AP1G1: variants seen among roughly 807,000 people sequenced by gnomAD.
AP1G1 encodes the protein adaptor related protein complex 1 subunit gamma 1, also known as AP-1 complex subunit gamma-1.
AP1G1 carries 7 observed loss-of-function variants against 108.3 expected under a neutral mutation model. The ratio of observed to expected loss-of-function variants is 0.06; its 90% CI spans 0.04 to 0.12. The LOEUF is 0.12. Ranked by LOEUF, AP1G1 falls within the 10% of genes least tolerant of loss-of-function variation. The pLI is 1.00. For synonymous variants in AP1G1, 379 were observed against 353.5 expected (o/e 1.07, Z -0.81); for missense variants, 756 against 1,010.7 (o/e 0.75, Z 3.42).
chr16:71,772,221 C>G (rs948854569), intron 4 of AP1G1, among the ~76,000 whole-genome samples: 11 of 151,900 alleles, frequency 7.2e-5, no homozygotes, highest in Non-Finnish European at 1.3e-4. Context: ...AGCTCCGCCT[C>G]CTGGGTTCAC....
Position 71,739,259 on chromosome 16 carries a change from C to G in AP1G1, c.2082G>C (p.Gln694His), listed in dbSNP as rs200015789. The G allele has an allele frequency of 6.2e-7, 1 of 1,613,602 alleles. No homozygotes were observed. The highest frequency in any genetic ancestry group is 2.2e-5 in the East Asian group (1 of 44,864). The change falls in exon 20 of 23, where the codon CAG becomes CAC. Residue 694 changes from glutamine to histidine, a missense_variant. Around this residue, in one of 3 missense-constraint regions of AP1G1, gnomAD observed 95 missense variants for 160.5 expected, o/e 0.59. Transcript: ENST00000299980. Reference protein sequence around the residue: ...PPFLLDGLSSQPLFNDIAAGI... With the variant: ...PPFLLDGLSSHPLFNDIAAGI... The stretch of plus-strand genomic sequence containing the variant: ...CTGCAGCAATATCATTGAAGAGAGG[C>G]TGTGATGAAAGCCCATCCAACAAGA...
chr16:71,737,665 G>GA (rs1185764344), intron 21 of AP1G1, among the ~76,000 whole-genome samples: 2 of 151,984 alleles, frequency 1.3e-5, no homozygotes, highest in African/African-American at 4.8e-5. Flanking sequence ...AGAGGATGGG[G>GA]AAAAAATAAA....
chr16:71,794,150 T>C (rs1211283625), intron 1 of AP1G1, among the ~76,000 whole-genome samples: 2 of 152,204 alleles, frequency 1.3e-5, no homozygotes, highest in African/African-American at 4.8e-5. Flanking sequence ...CTTCTAAAAA[T>C]CTTACAGTTC....
intron 1 of AP1G1, among the ~76,000 whole-genome samples, chr16:71,792,778 C>G (rs985285767): frequency 6.6e-6 from 1 of 151,446 alleles, no homozygotes; most frequent in African/African-American, 2.4e-5. Flanking sequence ...CGCTTTAACC[C>G]GGGAAGTGGA....
chr16:71,757,719 A>C (rs914855988), intron 11 of AP1G1, among the ~76,000 whole-genome samples: 1 of 152,210 alleles, frequency 6.6e-6, no homozygotes, highest in African/African-American at 2.4e-5. Context: ...CTGGCTCCAG[A>C]GTCTAAGCTC....
intron 1 of AP1G1, among the ~76,000 whole-genome samples, chr16:71,804,038 A>C (rs771535786): frequency 6.6e-6 from 1 of 151,714 alleles, no homozygotes. Context: ...TTTGATAAAC[A>C]TATTTTATTT....
chr16:71,767,852 C>A, intron 6 of AP1G1: 1 of 1,598,368 alleles, frequency 6.3e-7, no homozygotes, highest in Non-Finnish European at 8.5e-7. Flanking sequence ...CAGCATGCAC[C>A]ATCTAAAAGA....
At chr16:71,751,569 A>G (rs1320682745) in intron 13 of AP1G1, among the ~76,000 whole-genome samples, 3 of 152,122 alleles carry the variant, frequency 2.0e-5, no homozygotes, top group Admixed American at 6.5e-5. Flanking sequence ...AATGATCAGA[A>G]GGAAAGGTGA....
intron 1 of AP1G1, among the ~76,000 whole-genome samples, chr16:71,800,630 T>A (rs1166633481): frequency 6.7e-6 from 1 of 148,852 alleles, no homozygotes; most frequent in Non-Finnish European, 1.5e-5. Context: ...TGAAACCCCA[T>A]CTCTACTAAA....
In AP1G1 at chr16:71,746,457, GCAATTAGAAC is replaced by G. The variant is rs530517005; in HGVS notation, c.1730+121_1730+130del. 46 of 494,982 alleles carry G rather than the reference GCAATTAGAAC, an allele frequency of 9.3e-5. No homozygotes were observed. In the South Asian group the frequency reaches 2.1e-3, roughly 22 times the overall value. The allele number at this position is 494,982 out of a possible 1,614,324, so 30.7% of individuals were successfully genotyped here. A position where few individuals can be genotyped will look rare whatever the true frequency, so the allele number is the denominator to read the frequency against. On this transcript the variant is annotated intron_variant, in intron 17 of 22. Transcript: ENST00000299980. ...AGATGGACAAAACAGAAGCAGACAA[GCAATTAGAAC>G]TAAATAGGGATACGAGGAACAATTA...
chr16:71,753,417 TCA>T (rs1035819525), intron 13 of AP1G1, among the ~76,000 whole-genome samples: 2 of 152,202 alleles, frequency 1.3e-5, no homozygotes, highest in African/African-American at 2.4e-5. Context: ...TCTGCCTCTC[TCA>T]CTTTATGGCT....
intron 19 of AP1G1, among the ~76,000 whole-genome samples, chr16:71,741,219 G>A (rs1271297084): frequency 6.6e-6 from 1 of 152,142 alleles, no homozygotes; most frequent in African/African-American, 2.4e-5. Context: ...AGGAAGGCTA[G>A]AATATCATCT....
intron 19 of AP1G1, 140 bp from the exon 20 acceptor site, chr16:71,739,481 A>G (rs887231609): frequency 1.6e-6 from 1 of 627,248 alleles, no homozygotes; most frequent in Non-Finnish European, 2.7e-6. Context: ...CCACAAAGAG[A>G]AAGAACTAAA....
chr16:71,745,890 T>C (rs2030147948), intron 17 of AP1G1, among the ~76,000 whole-genome samples: 1 of 151,974 alleles, frequency 6.6e-6, no homozygotes, highest in Non-Finnish European at 1.5e-5. Context: ...GAAAGGTAAA[T>C]CCATAGGTAT....
intron 2 of AP1G1, among the ~76,000 whole-genome samples, chr16:71,783,443 G>A (rs1275482741): frequency 6.6e-6 from 1 of 151,964 alleles, no homozygotes; most frequent in African/African-American, 2.4e-5. Flanking sequence ...AATTTTAAAG[G>A]ATACTATTTG....
intron 19 of AP1G1, among the ~76,000 whole-genome samples, chr16:71,740,794 GTC>G (rs1232957401): frequency 3.3e-5 from 5 of 152,004 alleles, no homozygotes; most frequent in African/African-American, 4.8e-5. Flanking sequence ...CAGTAGTTAC[GTC>G]TGGAATCAAA....
At chr16:71,739,824 T>G (rs1348610839) in intron 19 of AP1G1, among the ~76,000 whole-genome samples, 1 of 151,082 alleles carries the variant, frequency 6.6e-6, no homozygotes. Flanking sequence ...AATGGATAAG[T>G]ATCCAAACGA....
intron 3 of AP1G1, 174 bp downstream of exon 3, chr16:71,774,294 C>T (rs1309283008): frequency 2.1e-5 from 13 of 628,252 alleles, no homozygotes; most frequent in Non-Finnish European, 2.9e-5. Flanking sequence ...AGGAGAATCA[C>T]TTCAACCAGA....
chr16:71,745,165 G>A lies in AP1G1; in HGVS notation c.1978C>T (p.Leu660=). ...SSAGGELLDL[L]GDINLTGAPA... is the part of the protein sequence containing the mutation. ...TCACCTGTAAGGTTGATGTCTCCCA[G>A]CAAATCAAGAAGTTCTCCACCAGCA... The change falls in exon 19 of 23, where the codon CTG becomes TTG. Residue 660 remains leucine (L), a synonymous_variant. Coordinates refer to ENST00000299980, the MANE Select transcript of AP1G1 (RefSeq NM_001128.6). 6.2e-7 allele frequency: 1 copy of A among 1,614,106 alleles called. No homozygotes were observed. Among genetic ancestry groups the A allele is most frequent in the Non-Finnish European group, 8.5e-7 (1 of 1,180,018 alleles).
Sources: gnomAD v4.1 joint callset for allele counts (sites outside exome capture counted in the v4.1 genomes callset) on GRCh38, gnomAD v4.1.1 for gene constraint, gnomAD v4.1.1 regional missense constraint, MANE v1.5 for transcripts, NCBI Gene and HGNC (gene_info 2026-07-23, HGNC 2026-07-21) for gene names.